Variants in RIF1 observed in about 807,000 individuals in gnomAD.
RIF1 encodes telomere-associated protein RIF1.
Under a neutral mutation model 247.1 loss-of-function variants are expected in RIF1, and 45 were observed. That is an observed-to-expected ratio of 0.18 (90% CI 0.14 to 0.23). RIF1 has a LOEUF of 0.23. Ranked by LOEUF, RIF1 falls within the 10% of genes least tolerant of loss-of-function variation. The pLI is 1.00. For synonymous variants in RIF1, 1,087 were observed against 978.8 expected, an observed-to-expected ratio of 1.11 and a Z score of -2.06; for missense variants, 2,967 against 2,862.5, an observed-to-expected ratio of 1.04 and a Z score of -0.83.
chr2:151,512,012 TCTCA>T (rs1226231343), downstream of RIF1, among the ~76,000 whole-genome samples: 1 of 138,896 alleles, frequency 7.2e-6, no homozygotes, highest in Non-Finnish European at 1.5e-5. Flanking sequence ...TAGGTTACCC[TCTCA>T]CTCTTTTTTT....
chr2:151,481,624 A>ACTT lies in RIF1; in HGVS notation c.*6553_*6554insCTT, dbSNP rs1169468198. On this transcript the variant is annotated 3_prime_UTR_variant, in exon 36 of 36. Coordinates refer to ENST00000444746, the MANE Select transcript of RIF1 (RefSeq NM_018151.5). Reference sequence around the variant, plus strand: ...AAGTATTTGTATTTGATAAGTCTTAAAAATGATTTAAGTTGAAGCCTAACA... The same window carrying ACTT: ...AAGTATTTGTATTTGATAAGTCTTAACTTAAATGATTTAAGTTGAAGCCTAACA... The ACTT allele has an allele frequency of 6.6e-6, 1 of 152,238 alleles. No individual in the cohort carries two copies. The highest frequency in any genetic ancestry group is 1.5e-5 in the Non-Finnish European group (1 of 68,040). The allele number at this position is 152,238 out of a possible 1,614,324, so 9.4% of individuals were successfully genotyped here.
intron 8 of RIF1, among the ~76,000 whole-genome samples, chr2:151,425,357 G>A (rs1175265573): frequency 1.3e-5 from 2 of 151,994 alleles, no homozygotes; most frequent in East Asian, 3.8e-4. Flanking sequence ...TGCTTTCTTG[G>A]TAATATCCAT....
chr2:151,425,320 T>C (rs1191876323), intron 8 of RIF1, among the ~76,000 whole-genome samples: 1 of 152,162 alleles, frequency 6.6e-6, no homozygotes, highest in East Asian at 1.9e-4. Context: ...TTTGCAAATA[T>C]TTAATTCCGT....
In RIF1 at chr2:151,492,433, G is replaced by A. The variant is rs760442721; in HGVS notation, c.*416-2796G>A. The A allele has an allele frequency of 5.6e-6, 9 of 1,612,768 alleles. No individual in the cohort carries two copies. The South Asian group carries it at 7.7e-5, about 14-fold the overall frequency. ...CTCCCTCACCCGTCTCATCTCGGGG[G>A]TATCCAATACATAGGCAGCTTTGCC... On this transcript the variant is annotated intron_variant and NMD_transcript_variant, in intron 9 of 13. Transcript: ENST00000454583.
Position 151,436,851 on chromosome 2 carries a change from C to G in RIF1, c.1220C>G (p.Pro407Arg), listed in dbSNP as rs140926635. 6.2e-7 allele frequency: 1 copy of G among 1,609,898 alleles called. No individual in the cohort carries two copies. The highest frequency in any genetic ancestry group is 8.5e-7 in the Non-Finnish European group (1 of 1,178,110). ...HKGASSPYGA[P>R]GTPRMNLSSN... ...GGTGCTTCCTCCCCGTACGGAGCCC[C>G]GGGAACTCCCCGAATGAACCTGAGT... Residue 407 changes from proline to arginine, a missense_variant, in exon 12 of 36, where the codon CCG (proline) becomes CGG (arginine). Physicochemically the swap from Pro to Arg is moderately radical, Grantham distance 103 (BLOSUM62 -2). Transcript: ENST00000444746.
rs148967813 is a variant in RIF1 at position 151,473,996 on chromosome 2, T to G, written c.7128T>G (p.Val2376=). The change falls in exon 35 of 36, where the codon GTT becomes GTG. Residue 2376 remains valine (V), a synonymous_variant. Coordinates refer to ENST00000444746, the MANE Select transcript of RIF1 (RefSeq NM_018151.5). ...CTCGTGGACTAGAAGAGATTCCAGT[T>G]TTTGATATTTCTGAAAAAACAGTAA... The part of the protein sequence containing the change: ...VKTRGLEEIP[V]FDISEKTVNG... 798 of 1,598,492 alleles carry G rather than the reference T, an allele frequency of 5.0e-4. 7 individuals are homozygous for G. The highest frequency in any genetic ancestry group is 1.7e-5 in the Non-Finnish European group (20 of 1,167,930).
intron 5 of RIF1, 51 bp from the exon 6 acceptor site, chr2:151,416,755 AT>A (rs914605993): frequency 3.7e-6 from 6 of 1,601,550 alleles, no homozygotes; most frequent in Non-Finnish European, 3.4e-6. Flanking sequence ...TATAATGCCA[AT>A]AAAAACAGTT....
intron 31 of RIF1, 74 bp from the exon 32 acceptor site, chr2:151,468,397 AGTC>A (rs1697286575): frequency 1.3e-5 from 15 of 1,156,322 alleles, no homozygotes; most frequent in Non-Finnish European, 1.8e-5. Flanking sequence ...AAATGATTGC[AGTC>A]TAAGTTGTAA....
At chr2:151,502,018 T>C (rs2065042446) in intron 11 of RIF1, among the ~76,000 whole-genome samples, 1 of 152,180 alleles carries the variant, frequency 6.6e-6, no homozygotes, top group South Asian at 2.1e-4. Context: ...GTGTTGTCTT[T>C]GAATGAAAAT....
Position 151,463,160 on chromosome 2 carries a change from C to G in RIF1, c.3640C>G (p.Pro1214Ala). 6.2e-7 allele frequency: 1 copy of G among 1,614,062 alleles called. No homozygotes were observed. The highest frequency in any genetic ancestry group is 1.1e-5 in the South Asian group (1 of 91,070). Residue 1214 changes from proline (P) to alanine (A), a missense_variant, in exon 30 of 36, where the codon CCT (proline) becomes GCT (alanine). Around this residue, in one of 7 missense-constraint regions of RIF1, gnomAD observed 2,028 missense variants for 1,825.6 expected, o/e 1.11. Transcript: ENST00000444746. ...NTTVAGTPPYPTSRRQTFITL... is the reference protein window; with the variant it reads ...NTTVAGTPPYATSRRQTFITL... Reference sequence around the variant, plus strand: ...CACTGTTGCTGGAACTCCCCCATACCCTACAAGTCGGAGGCAAACCTTTAT... The same window carrying G: ...CACTGTTGCTGGAACTCCCCCATACGCTACAAGTCGGAGGCAAACCTTTAT...
At chr2:151,516,785 G>T in the RIF1 span, among the ~76,000 whole-genome samples, 1 of 152,150 alleles carries the variant, frequency 6.6e-6, no homozygotes, top group Non-Finnish European at 1.5e-5. Flanking sequence ...TTAGGATTTG[G>T]ATTCAATTCA....
At chr2:151,498,101 A>G in intron 10 of RIF1, 1 of 1,480,188 alleles carries the variant, frequency 6.8e-7, no homozygotes, top group Non-Finnish European at 9.0e-7. Context: ...AAAAATTGAC[A>G]TTAACTGTAT....
the RIF1 span, among the ~76,000 whole-genome samples, chr2:151,529,985 C>T: frequency 6.6e-6 from 1 of 152,328 alleles, no homozygotes; most frequent in Admixed American, 6.5e-5. Context: ...CTCACCCAGA[C>T]AGAATTAGTC....
intron 11 of RIF1, chr2:151,501,263 A>G: frequency 1.7e-6 from 1 of 582,558 alleles, no homozygotes; most frequent in Non-Finnish European, 3.0e-6. Flanking sequence ...AAACAGAAGG[A>G]TTCAGTTGAT....
chr2:151,431,414 C>A (rs1238197352), intron 9 of RIF1, among the ~76,000 whole-genome samples: 1 of 152,200 alleles, frequency 6.6e-6, no homozygotes, highest in Non-Finnish European at 1.5e-5. Context: ...TGTGTAAAAT[C>A]AGATTTTTTA....
At position 151,464,788 on chromosome 2, in the gene RIF1, C is replaced by T. The variant is rs553538022; in HGVS notation, c.5268C>T (p.Asp1756=). 17 of 1,613,830 alleles carry T rather than the reference C, an allele frequency of 1.1e-5. No homozygotes were observed. Among genetic ancestry groups the T allele is most frequent in the Non-Finnish European group, 1.3e-5 (15 of 1,179,918 alleles). Residue 1756 remains aspartate, a synonymous_variant, in exon 30 of 36, where the codon GAC becomes GAT. Transcript: ENST00000444746. The part of the protein sequence containing the change: ...LIGLKNTENN[D]VEISETKKAD... ...GGTTAAAGAATACAGAAAATAATGA[C>T]GTAGAGATTAGTGAAACAAAAAAGG...
intron 34 of RIF1, among the ~76,000 whole-genome samples, chr2:151,470,637 T>C (rs1697643471): frequency 6.6e-6 from 1 of 152,126 alleles, no homozygotes; most frequent in Non-Finnish European, 1.5e-5. Flanking sequence ...ATCAGAAGTT[T>C]TGAATAAATG....
intron 11 of RIF1, chr2:151,501,319 A>C (rs1441434045): frequency 5.0e-6 from 5 of 1,004,832 alleles, no homozygotes; most frequent in Non-Finnish European, 6.1e-6. Flanking sequence ...TAAAGGGATG[A>C]ACAGTGAGAT....
the RIF1 span, chr2:151,529,382 A>G: frequency 9.6e-7 from 1 of 1,040,450 alleles, no homozygotes; most frequent in South Asian, 1.3e-5. Context: ...TTAAAAAACA[A>G]GAAATTAAAT....
Sources: gnomAD v4.1 joint callset for allele counts (sites outside exome capture counted in the v4.1 genomes callset) on GRCh38, gnomAD v4.1.1 for gene constraint, gnomAD v4.1.1 regional missense constraint, MANE v1.5 for transcripts, NCBI Gene and HGNC (gene_info 2026-07-23, HGNC 2026-07-21) for gene names.